SEMA3A: variants seen among roughly 807,000 people sequenced by gnomAD.
The protein encoded by SEMA3A is semaphorin-3A.
Under a neutral mutation model 97.9 loss-of-function variants are expected in SEMA3A, and 29 were observed. That is an observed-to-expected ratio of 0.30 (90% CI 0.22 to 0.40). The LOEUF is 0.40. SEMA3A is among the 10% of genes least tolerant of loss of function. The probability of loss-of-function intolerance (pLI) is 1.00; values close to 1 mark genes in which losing one functional copy is unlikely to be tolerated. For synonymous variants in SEMA3A, 321 were observed against 323.7 expected (o/e 0.99, Z 0.09); for missense variants, 763 against 951.3 (o/e 0.80, Z 2.60).
Position 84,361,903 on chromosome 7 carries a change from T to A in SEMA3A, c.-169+9921A>T, listed in dbSNP as rs117706769. Among the ~76,000 whole-genome samples the A allele has an allele frequency of 4.7e-3, 708 of 152,118 alleles. 3 individuals are homozygous for A. The highest frequency in any genetic ancestry group is 7.0e-3 in the Admixed American group (106 of 15,236). On this transcript the variant is annotated intron_variant, in intron 2 of 3. Coordinates refer to the SEMA3A transcript ENST00000424555. Reference sequence around the variant, plus strand: ...GAGAGAACTGCAGGGTGAACTCGGCTCTAGGCTCTCTCTTATTCTATTTCT... The same window carrying A: ...GAGAGAACTGCAGGGTGAACTCGGCACTAGGCTCTCTCTTATTCTATTTCT...
At chr7:84,129,400 A>G (rs1215421306) in intron 2 of SEMA3A, among the ~76,000 whole-genome samples, 15 of 152,200 alleles carry the variant, frequency 9.9e-5, no homozygotes, top group African/African-American at 3.6e-4. Context: ...CCTTTGCTAT[A>G]TATAAAAGTT....
chr7:84,032,477 A>C (rs779019233), intron 6 of SEMA3A, among the ~76,000 whole-genome samples: 5 of 152,198 alleles, frequency 3.3e-5, no homozygotes, highest in Non-Finnish European at 7.4e-5. Flanking sequence ...TTTAACTGCA[A>C]TATAATTAGC....
At chr7:84,173,629 A>G (rs949403629) in intron 1 of SEMA3A, among the ~76,000 whole-genome samples, 1 of 151,918 alleles carries the variant, frequency 6.6e-6, no homozygotes, top group South Asian at 2.1e-4. Flanking sequence ...GTATTTGATT[A>G]GAAACTGAAT....
intron 1 of SEMA3A, among the ~76,000 whole-genome samples, chr7:84,464,012 G>A (rs376220912): frequency 5.9e-5 from 9 of 152,084 alleles, no homozygotes; most frequent in African/African-American, 2.2e-4. Flanking sequence ...CATGGCTGAT[G>A]ATCTAAAAAT....
intron 5 of SEMA3A, among the ~76,000 whole-genome samples, chr7:84,051,317 C>T (rs370338768): frequency 2.6e-5 from 4 of 152,074 alleles, no homozygotes; most frequent in Non-Finnish European, 5.9e-5. Flanking sequence ...GCCATTTTCA[C>T]GATATTGATT....
In SEMA3A at chr7:83,981,436, G is replaced by A; in HGVS notation, c.1537C>T (p.Pro513Ser). The A allele has an allele frequency of 6.2e-7, 1 of 1,613,470 alleles. No individual in the cohort carries two copies. The highest frequency in any genetic ancestry group is 8.5e-7 in the Non-Finnish European group (1 of 1,179,742). ...IGSTAGVAQL[P>S]LHRCDIYGKA... ...CCGTAAATATCACACCGGTGTAAAG[G>A]GAGCTGGGCAACCCCAGCCGTTGAA... is the stretch of plus-strand genomic sequence containing the variant. The change falls in exon 14 of 17, where the codon CCT (proline) becomes TCT (serine). Residue 513 changes from proline to serine, a missense_variant. Physicochemically the swap from Pro to Ser is moderately conservative, Grantham distance 74. Coordinates refer to ENST00000265362, the MANE Select transcript of SEMA3A (RefSeq NM_006080.3).
intron 6 of SEMA3A, among the ~76,000 whole-genome samples, chr7:84,019,529 G>A (rs201612664): frequency 2.7e-5 from 2 of 74,756 alleles, no homozygotes; most frequent in East Asian, 1.3e-3. Context: ...TTTTAATGAC[G>A]TGTCTTTAAA....
intron 1 of SEMA3A, among the ~76,000 whole-genome samples, chr7:84,418,782 C>T (rs1804504215): frequency 6.6e-6 from 1 of 151,986 alleles, no homozygotes; most frequent in Non-Finnish European, 1.5e-5. Context: ...GGCTTTGGGA[C>T]TTGGACTGAG....
intron 2 of SEMA3A, among the ~76,000 whole-genome samples, chr7:84,314,346 T>C (rs1171349906): frequency 6.6e-6 from 1 of 152,078 alleles, no homozygotes; most frequent in African/African-American, 2.4e-5. Context: ...ATCCGTGCAA[T>C]AGGATTACAC....
intron 1 of SEMA3A, among the ~76,000 whole-genome samples, chr7:84,156,098 G>T (rs569533145): frequency 6.6e-6 from 1 of 151,868 alleles, no homozygotes; most frequent in Non-Finnish European, 1.5e-5. Context: ...TTAGGATTTT[G>T]TAAATTATAA....
At chr7:84,329,356 AAAT>A in intron 2 of SEMA3A, among the ~76,000 whole-genome samples, 1 of 152,052 alleles carries the variant, frequency 6.6e-6, no homozygotes, top group African/African-American at 2.4e-5. Flanking sequence ...CTTTTTGCTT[AAAT>A]GTGGTGGTGG....
chr7:83,980,382 G>T (rs1789341450), intron 14 of SEMA3A, among the ~76,000 whole-genome samples: 1 of 151,598 alleles, frequency 6.6e-6, no homozygotes, highest in Admixed American at 6.6e-5. Flanking sequence ...CAAGGCATGA[G>T]GATCACGAGG....
At chr7:84,425,019 TTTATATATAATTATTTATAA>T (rs1406398602) in intron 1 of SEMA3A, among the ~76,000 whole-genome samples, 3 of 103,348 alleles carry the variant, frequency 2.9e-5, no homozygotes, top group African/African-American at 4.0e-5. Flanking sequence ...ATATTATTTA[TTTATATATAATTATTTATAA>T]TTATATATAA....
intron 2 of SEMA3A, among the ~76,000 whole-genome samples, chr7:84,335,712 C>T (rs1269050986): frequency 1.3e-5 from 2 of 152,056 alleles, no homozygotes; most frequent in Non-Finnish European, 2.9e-5. Context: ...ATTTTGTTTA[C>T]TGACATTATC....
At chr7:84,415,679 A>G (rs1264195163) in intron 1 of SEMA3A, among the ~76,000 whole-genome samples, 1 of 152,052 alleles carries the variant, frequency 6.6e-6, no homozygotes, top group Non-Finnish European at 1.5e-5. Flanking sequence ...TAAATTAATC[A>G]TTTGAGGACA....
intron 1 of SEMA3A, among the ~76,000 whole-genome samples, chr7:84,387,731 CAG>C (rs1803436087): frequency 6.6e-6 from 1 of 152,162 alleles, no homozygotes; most frequent in Non-Finnish European, 1.5e-5. Flanking sequence ...TCTAAAGAAA[CAG>C]ATCTCTTTAA....
chr7:84,252,440 TCTG>T (rs1454804383), intron 3 of SEMA3A, among the ~76,000 whole-genome samples: 3 of 152,190 alleles, frequency 2.0e-5, no homozygotes, highest in Admixed American at 2.0e-4. Context: ...TGGTATTGAG[TCTG>T]CTATAGCACA....
intron 1 of SEMA3A, among the ~76,000 whole-genome samples, chr7:84,151,241 A>G (rs974913473): frequency 6.6e-5 from 10 of 152,252 alleles, no homozygotes; most frequent in African/African-American, 2.4e-4. Flanking sequence ...CTGGATGGAG[A>G]ATGACTTTGA....
chr7:84,405,840 T>C (rs565283103), intron 1 of SEMA3A, among the ~76,000 whole-genome samples: 1 of 152,248 alleles, frequency 6.6e-6, no homozygotes, highest in East Asian at 1.9e-4. Flanking sequence ...AAGATGTTCT[T>C]TGAAACCAAT....
Sources: gnomAD v4.1 joint callset for allele counts (sites outside exome capture counted in the v4.1 genomes callset) on GRCh38, gnomAD v4.1.1 for gene constraint, MANE v1.5 for transcripts, NCBI Gene and HGNC (gene_info 2026-07-23, HGNC 2026-07-21) for gene names.